Variants in TNS3 observed in about 807,000 individuals in gnomAD.
TNS3 encodes the protein tensin 3, also known as tensin-3.
A neutral mutation model predicts 140.9 loss-of-function variants in TNS3; 45 were observed. The ratio of observed to expected loss-of-function variants is 0.32; its 90% confidence interval spans 0.25 to 0.41. The LOEUF (loss-of-function observed/expected upper bound fraction) is 0.41. TNS3 is among the 10% of genes least tolerant of loss of function. The probability of loss-of-function intolerance (pLI) is 1.00; values close to 1 mark genes in which losing one functional copy is unlikely to be tolerated. For synonymous variants in TNS3, 815 were observed against 788.4 expected, an observed-to-expected ratio of 1.03 and a Z score of -0.56; for missense variants, 1,716 against 1,906.7, an observed-to-expected ratio of 0.90 and a Z score of 1.86.
At chr7:47,409,026 C>A (rs76925740) in intron 13 of TNS3, among the ~76,000 whole-genome samples, 7,967 of 151,702 alleles carry the variant, frequency 0.053, 246 homozygotes, top group Non-Finnish European at 0.061. Flanking sequence ...ATAGCAACTC[C>A]AAAAGCACAA....
At chr7:47,360,887 C>T (rs1043577039) in intron 17 of TNS3, among the ~76,000 whole-genome samples, 1 of 152,128 alleles carries the variant, frequency 6.6e-6, no homozygotes, top group African/African-American at 2.4e-5. Context: ...GACACCTGGA[C>T]TTTTAGAAAG....
rs539437950 is a variant in TNS3, at chr7:47,485,040, C to T, written c.-114-3899G>A. Reference sequence around the variant, plus strand: ...GCATCCCCTGAGACCGTCCTGCAGACGCCAACCAGAAGCCTCTGAGCTGCG... The same window carrying T: ...GCATCCCCTGAGACCGTCCTGCAGATGCCAACCAGAAGCCTCTGAGCTGCG... On this transcript the variant is annotated intron_variant, in intron 3 of 30. Transcript: ENST00000311160. 2.6e-5 allele frequency among the ~76,000 whole-genome samples: 4 copies of T among 152,344 alleles called. No individual in the cohort carries two copies. In the East Asian group the frequency reaches 5.8e-4, roughly 22 times the overall value.
intron 30 of TNS3, chr7:47,279,539 CTAAAT>C (rs1455155168): frequency 6.4e-6 from 1 of 155,076 alleles, no homozygotes; most frequent in Non-Finnish European, 1.4e-5. Flanking sequence ...CCCGTCTCTA[CTAAAT>C]ACAAAAAATT....
intron 26 of TNS3, among the ~76,000 whole-genome samples, chr7:47,292,591 A>G (rs1785772117): frequency 6.6e-6 from 1 of 152,230 alleles, no homozygotes; most frequent in African/African-American, 2.4e-5. Flanking sequence ...CTCTATAGAA[A>G]TCTTTCATCA....
intron 1 of TNS3, among the ~76,000 whole-genome samples, chr7:47,541,945 T>A (rs143019093): frequency 0.015 from 1,908 of 131,098 alleles, 24 homozygotes; most frequent in Non-Finnish European, 0.021. Flanking sequence ...CGAGACTCCA[T>A]CTCAAAAAAA....
intron 4 of TNS3, among the ~76,000 whole-genome samples, chr7:47,454,815 C>T (rs987564571): frequency 2.0e-5 from 3 of 152,172 alleles, no homozygotes; most frequent in Admixed American, 6.5e-5. Flanking sequence ...TTAGCAAGGG[C>T]GGCCTGGGAG....
chr7:47,467,855 C>T (rs1232508100), intron 4 of TNS3, among the ~76,000 whole-genome samples: 17 of 152,210 alleles, frequency 1.1e-4, no homozygotes, highest in Admixed American at 1.1e-3. Flanking sequence ...CTCCCTCCCA[C>T]AGCACGCTGG....
At chr7:47,393,677 G>A (rs1013561435) in intron 16 of TNS3, among the ~76,000 whole-genome samples, 4 of 152,046 alleles carry the variant, frequency 2.6e-5, no homozygotes, top group Non-Finnish European at 5.9e-5. Context: ...GAGGAGTCTG[G>A]GCATGACTCT....
At chr7:47,278,374 T>A (rs1372188027) in intron 30 of TNS3, 154 bp from the exon 31 acceptor site, 24 of 790,348 alleles carry the variant, frequency 3.0e-5, no homozygotes, top group Non-Finnish European at 2.9e-5. Context: ...CACCTGTTCA[T>A]GCACTTTACC....
chr7:47,528,774 T>A (rs1799290313), intron 2 of TNS3, among the ~76,000 whole-genome samples: 1 of 152,210 alleles, frequency 6.6e-6, no homozygotes, highest in Non-Finnish European at 1.5e-5. Context: ...GACCTGAGAA[T>A]AAATGATTAA....
Position 47,303,594 on chromosome 7 carries a change from A to T in TNS3, c.2823-10T>A, listed in dbSNP as rs769367277. On this transcript the variant is annotated splice_polypyrimidine_tract_variant and intron_variant, in intron 21 of 30. Transcript: ENST00000311160. Reference sequence around the variant, plus strand: ...TTCTGCAGAAGAGGAGCTGTTCAAAAGACAAGCCGACCAAGACAGCATGTA... The same window carrying T: ...TTCTGCAGAAGAGGAGCTGTTCAAATGACAAGCCGACCAAGACAGCATGTA... 6.3e-7 allele frequency: 1 copy of T among 1,577,454 alleles called. No homozygotes were observed. Among genetic ancestry groups the T allele is most frequent in the Non-Finnish European group, 8.6e-7 (1 of 1,167,856 alleles).
chr7:47,509,357 A>G lies in TNS3; in HGVS notation c.-152-2413T>C, dbSNP rs181194541. The stretch of plus-strand genomic sequence containing the variant: ...ACAAATGTTTGGACTAGGACTTCAC[A>G]CTCGATTGTCAGCAGCATGGATAAT... On this transcript the variant is annotated intron_variant, in intron 2 of 30. Coordinates refer to ENST00000311160, the MANE Select transcript of TNS3 (RefSeq NM_022748.12). 2.1e-3 allele frequency among the ~76,000 whole-genome samples: 323 copies of G among 152,290 alleles called. 1 individual carries two copies. Among genetic ancestry groups the G allele is most frequent in the Non-Finnish European group, 3.6e-3 (243 of 68,016 alleles).
intron 20 of TNS3, among the ~76,000 whole-genome samples, chr7:47,307,677 T>G (rs1422716469): frequency 6.6e-6 from 1 of 152,256 alleles, no homozygotes; most frequent in Non-Finnish European, 1.5e-5. Flanking sequence ...GTTTTTAATT[T>G]GCAACTTTAT....
intron 17 of TNS3, among the ~76,000 whole-genome samples, chr7:47,364,583 G>A (rs1165809503): frequency 6.6e-6 from 1 of 152,142 alleles, no homozygotes; most frequent in Admixed American, 6.5e-5. Flanking sequence ...AGAAAGTCTT[G>A]GACTGAGATC....
At chr7:47,364,802 T>G (rs1304995943) in intron 17 of TNS3, among the ~76,000 whole-genome samples, 1 of 152,232 alleles carries the variant, frequency 6.6e-6, no homozygotes, top group South Asian at 2.1e-4. Flanking sequence ...AACCCTTCAG[T>G]GTCCATTCAT....
intron 24 of TNS3, among the ~76,000 whole-genome samples, chr7:47,295,971 C>T (rs552520188): frequency 1.1e-4 from 17 of 152,232 alleles, no homozygotes; most frequent in East Asian, 5.8e-4. Flanking sequence ...GTTTAAAATC[C>T]GAGCTGCTTC....
chr7:47,364,893 A>G (rs1385089799), intron 17 of TNS3, among the ~76,000 whole-genome samples: 2 of 152,124 alleles, frequency 1.3e-5, no homozygotes, highest in African/African-American at 4.8e-5. Flanking sequence ...CTCTGGGGAG[A>G]CTGGTAACCA....
At position 47,368,759 on chromosome 7, in the gene TNS3, C is replaced by G. The variant is rs573472186; in HGVS notation, c.1887G>C (p.Val629=). 6.3e-7 allele frequency: 1 copy of G among 1,587,932 alleles called. No individual in the cohort carries two copies. Among genetic ancestry groups the G allele is most frequent in the South Asian group, 1.2e-5 (1 of 86,410 alleles). The part of the protein sequence containing the change: ...NPGLVQAQPR[V]PLTPTRGTSS... ...TGGTCCCTCGGGTGGGGGTGAGTGG[C>G]ACTCTGGGCTGGGCCTGGACGAGGC... Residue 629 remains valine, a synonymous_variant, in exon 17 of 31, where the codon GTG becomes GTC. Coordinates refer to ENST00000311160, the MANE Select transcript of TNS3 (RefSeq NM_022748.12).
intron 1 of TNS3, among the ~76,000 whole-genome samples, chr7:47,571,510 C>CAGAGCTCA (rs1800554867): frequency 1.3e-5 from 2 of 152,084 alleles, no homozygotes; most frequent in East Asian, 1.9e-4. Context: ...GCTGGTGTCC[C>CAGAGCTCA]CAGAGCTGAC....
Sources: gnomAD v4.1 joint callset for allele counts (sites outside exome capture counted in the v4.1 genomes callset) on GRCh38, gnomAD v4.1.1 for gene constraint, MANE v1.5 for transcripts, NCBI Gene and HGNC (gene_info 2026-07-23, HGNC 2026-07-21) for gene names.